ANTXR1: variants seen among roughly 807,000 people sequenced by gnomAD.
The protein encoded by ANTXR1 is ANTXR cell adhesion molecule 1.
ANTXR1 carries 19 observed loss-of-function variants against 78.1 expected under a neutral mutation model. The ratio of observed to expected loss-of-function variants is 0.24; its 90% confidence interval spans 0.17 to 0.36. The LOEUF is 0.36. Ranked by LOEUF, ANTXR1 falls within the 10% of genes least tolerant of loss-of-function variation. The pLI, the probability that ANTXR1 is intolerant of heterozygous loss-of-function variation, is 1.00. For synonymous variants in ANTXR1, 273 were observed against 260.5 expected, an observed-to-expected ratio of 1.05 and a Z score of -0.46; for missense variants, 518 against 718.6, an observed-to-expected ratio of 0.72 and a Z score of 3.19.
intron 17 of ANTXR1, among the ~76,000 whole-genome samples, chr2:69,196,522 G>T (rs1011976031): frequency 3.3e-5 from 5 of 152,160 alleles, no homozygotes; most frequent in Admixed American, 2.0e-4. Context: ...GGCGAGGCAG[G>T]GGGGGCAATA....
chr2:69,078,343 G>C (rs951722677), intron 8 of ANTXR1, among the ~76,000 whole-genome samples: 6 of 152,224 alleles, frequency 3.9e-5, no homozygotes, highest in African/African-American at 1.4e-4. Flanking sequence ...TTCACTGGCA[G>C]CTTACCAGGC....
chr2:69,086,218 G>A (rs1671044271), intron 8 of ANTXR1, among the ~76,000 whole-genome samples: 1 of 152,208 alleles, frequency 6.6e-6, no homozygotes, highest in South Asian at 2.1e-4. Context: ...ATAAGGGAGG[G>A]ATTCCTTATA....
intron 17 of ANTXR1, among the ~76,000 whole-genome samples, chr2:69,222,961 TTTTA>T (rs1476269592): frequency 6.6e-6 from 1 of 152,236 alleles, no homozygotes; most frequent in South Asian, 2.1e-4. Flanking sequence ...GGTGGCATCC[TTTTA>T]TTTATTTAAA....
intron 17 of ANTXR1, among the ~76,000 whole-genome samples, chr2:69,212,948 A>G (rs1055430323): frequency 7.3e-6 from 1 of 136,558 alleles, no homozygotes; most frequent in African/African-American, 3.2e-5. Context: ...CTAAGACTAC[A>G]TGTGCACATC....
chr2:69,038,542 C>T (rs530393074), intron 1 of ANTXR1, among the ~76,000 whole-genome samples: 111 of 152,290 alleles, frequency 7.3e-4, no homozygotes, highest in African/African-American at 2.3e-3. Flanking sequence ...ATAATGAACA[C>T]CCATGTGTTC....
At chr2:69,241,314 G>A (rs184022650) in intron 17 of ANTXR1, among the ~76,000 whole-genome samples, 1 of 152,170 alleles carries the variant, frequency 6.6e-6, no homozygotes, top group Non-Finnish European at 1.5e-5. Context: ...ACGATGTTGT[G>A]TAAACTGATC....
At chr2:69,242,456 C>T (rs183234668) in intron 17 of ANTXR1, among the ~76,000 whole-genome samples, 5 of 152,178 alleles carry the variant, frequency 3.3e-5, no homozygotes, top group African/African-American at 9.7e-5. Context: ...CTGGACAAAA[C>T]AGCCTCTGGT....
At chr2:69,089,541 C>T (rs1452828429) in intron 8 of ANTXR1, among the ~76,000 whole-genome samples, 1 of 152,214 alleles carries the variant, frequency 6.6e-6, no homozygotes, top group African/African-American at 2.4e-5. Flanking sequence ...GCTATTCTCA[C>T]TTCTTGCGTC....
intron 8 of ANTXR1, among the ~76,000 whole-genome samples, chr2:69,087,767 C>T (rs1316316445): frequency 1.3e-5 from 2 of 152,124 alleles, no homozygotes; most frequent in East Asian, 1.9e-4. Context: ...TACCACTGCC[C>T]GGGCCTCCCT....
intron 12 of ANTXR1, among the ~76,000 whole-genome samples, chr2:69,126,229 A>T (rs1219908160): frequency 6.6e-6 from 1 of 152,160 alleles, no homozygotes; most frequent in Non-Finnish European, 1.5e-5. Context: ...GGAGCAAACC[A>T]ATTTTCTTGA....
At chr2:69,068,948 G>A (rs551748632) in intron 3 of ANTXR1, among the ~76,000 whole-genome samples, 1 of 152,264 alleles carries the variant, frequency 6.6e-6, no homozygotes, top group East Asian at 1.9e-4. Context: ...TCAAGTTAGT[G>A]GATCAAGGAG....
chr2:69,213,656 G>A (rs1424915680), intron 17 of ANTXR1, among the ~76,000 whole-genome samples: 2 of 152,212 alleles, frequency 1.3e-5, no homozygotes, highest in African/African-American at 2.4e-5. Flanking sequence ...CTCATCCTGT[G>A]GAAGCACAGC....
intron 8 of ANTXR1, among the ~76,000 whole-genome samples, chr2:69,090,417 G>A (rs1671194788): frequency 6.6e-6 from 1 of 151,866 alleles, no homozygotes; most frequent in South Asian, 2.1e-4. Context: ...CTTCCATGAA[G>A]CCTTTCCTAG....
chr2:69,077,496 G>A lies in ANTXR1; in HGVS notation c.642+8G>A. ...CAAGGCATCATCCACTCAGTAAGTA[G>A]AGCTCTTCCTCTGAGACTAGACATT... On this transcript the variant is annotated splice_region_variant and intron_variant, in intron 8 of 17. Transcript: ENST00000303714. The A allele has an allele frequency of 1.2e-6, 2 of 1,614,020 alleles. No individual in the cohort carries two copies. Among genetic ancestry groups the A allele is most frequent in the Non-Finnish European group, 1.7e-6 (2 of 1,179,936 alleles).
chr2:69,024,940 G>T (rs538458550), intron 1 of ANTXR1, among the ~76,000 whole-genome samples: 1 of 152,090 alleles, frequency 6.6e-6, no homozygotes, highest in Non-Finnish European at 1.5e-5. Context: ...AGACATTTCC[G>T]AAGCTCTTTC....
At chr2:69,107,122 C>G (rs559677673) in intron 10 of ANTXR1, among the ~76,000 whole-genome samples, 11 of 152,164 alleles carry the variant, frequency 7.2e-5, no homozygotes, top group East Asian at 5.8e-4. Context: ...CATCCCCCCC[C>G]CGAACGAAAG....
chr2:69,016,770 T>C (rs529103793), intron 1 of ANTXR1, among the ~76,000 whole-genome samples: 1 of 152,388 alleles, frequency 6.6e-6, no homozygotes, highest in Non-Finnish European at 1.5e-5. Context: ...TTTTCTGTAC[T>C]GAACATACAT....
At chr2:69,162,851 T>C (rs1171264209) in intron 13 of ANTXR1, among the ~76,000 whole-genome samples, 1 of 152,042 alleles carries the variant, frequency 6.6e-6, no homozygotes, top group Non-Finnish European at 1.5e-5. Flanking sequence ...ATGAAAATAA[T>C]AGGACTAATG....
chr2:69,139,271 T>G (rs1434679137), intron 12 of ANTXR1, among the ~76,000 whole-genome samples: 1 of 152,250 alleles, frequency 6.6e-6, no homozygotes, highest in Non-Finnish European at 1.5e-5. Context: ...TGCCCCAGGA[T>G]GACTCAGTGG....
Sources: allele counts gnomAD v4.1 joint callset (sites outside exome capture counted in the v4.1 genomes callset), GRCh38; gene constraint gnomAD v4.1.1; transcripts MANE v1.5; gene names NCBI Gene and HGNC (gene_info 2026-07-23, HGNC 2026-07-21).